DCC: variants seen among roughly 807,000 people sequenced by gnomAD.
The protein encoded by DCC is DCC netrin 1 receptor, also known as netrin receptor DCC.
Under a neutral mutation model 172.5 loss-of-function variants are expected in DCC, and 58 were observed. That is an observed-to-expected ratio of 0.34 (90% CI 0.27 to 0.42). The LOEUF (loss-of-function observed/expected upper bound fraction) is 0.42, where lower values mean the gene tolerates loss of function less well. DCC is among the 10% of genes least tolerant of loss of function. The pLI is 1.00. For missense variants in DCC, 1,740 were observed against 1,791.0 expected (o/e 0.97, Z 0.51); for synonymous variants, 709 against 644.5 (o/e 1.10, Z -1.52).
chr18:53,391,996 A>G, intron 17 of DCC, 109 bp downstream of exon 17: 1 of 712,172 alleles, frequency 1.4e-6, no homozygotes, highest in East Asian at 2.7e-5. Context: ...CTGTGTATCT[A>G]TGTAGAAAAA....
chr18:53,063,680 C>T lies in DCC; in HGVS notation c.1140+221C>T, dbSNP rs533192863. 83 of 500,902 alleles carry T rather than the reference C, an allele frequency of 1.7e-4. 1 individual carries two copies. In the South Asian group the frequency reaches 1.8e-3, roughly 11 times the overall value. The allele number at this position is 500,902 out of a possible 1,614,324, so 31.0% of individuals were successfully genotyped here. A position where few individuals can be genotyped will look rare whatever the true frequency, so the allele number is the denominator to read the frequency against. ...CAGCCCCCTGGTTTTACAGACAAGACTTTAAAACATACAAACAAACAAAAA... is the reference window on the plus strand; with the variant it reads ...CAGCCCCCTGGTTTTACAGACAAGATTTTAAAACATACAAACAAACAAAAA... On this transcript the variant is annotated intron_variant, in intron 6 of 28. Transcript: ENST00000442544.
At chr18:53,004,724 C>A (rs2143855473) in intron 5 of DCC, among the ~76,000 whole-genome samples, 1 of 151,880 alleles carries the variant, frequency 6.6e-6, no homozygotes, top group East Asian at 1.9e-4. Flanking sequence ...TTTTTCTTGC[C>A]TTCCTTCCAT....
intron 2 of DCC, among the ~76,000 whole-genome samples, chr18:52,853,831 G>A (rs1221952331): frequency 2.0e-5 from 3 of 152,192 alleles, no homozygotes; most frequent in African/African-American, 7.2e-5. Flanking sequence ...TGAGCAAGAT[G>A]TCGCAGACAG....
chr18:52,726,438 T>C (rs2036552982), intron 1 of DCC, among the ~76,000 whole-genome samples: 1 of 152,200 alleles, frequency 6.6e-6, no homozygotes, highest in African/African-American at 2.4e-5. Context: ...TGTAGCATCA[T>C]CTCACACTTT....
intron 1 of DCC, among the ~76,000 whole-genome samples, chr18:52,682,463 T>A (rs1039091178): frequency 2.0e-5 from 3 of 151,990 alleles, no homozygotes; most frequent in Admixed American, 1.3e-4. Context: ...TCCAGGAACG[T>A]GAAGAAGAAT....
intron 5 of DCC, among the ~76,000 whole-genome samples, chr18:52,996,030 A>T (rs557383362): frequency 1.3e-5 from 2 of 152,004 alleles, no homozygotes; most frequent in South Asian, 4.1e-4. Context: ...CTTTGACACC[A>T]TTCAGAAGCG....
intron 1 of DCC, among the ~76,000 whole-genome samples, chr18:52,522,113 C>T (rs1327532756): frequency 6.6e-6 from 1 of 152,030 alleles, no homozygotes; most frequent in African/African-American, 2.4e-5. Flanking sequence ...AATCATAAGG[C>T]AATAATAGAT....
chr18:52,760,304 A>T (rs996869744), intron 2 of DCC, among the ~76,000 whole-genome samples: 1 of 152,222 alleles, frequency 6.6e-6, no homozygotes, highest in Non-Finnish European at 1.5e-5. Flanking sequence ...TCATGAGAAC[A>T]GCATTGGGGA....
At chr18:53,095,646 A>G (rs2043075223) in intron 7 of DCC, among the ~76,000 whole-genome samples, 1 of 152,130 alleles carries the variant, frequency 6.6e-6, no homozygotes, top group South Asian at 2.1e-4. Context: ...TCCTGAATCA[A>G]CTCATAAGAC....
intron 2 of DCC, among the ~76,000 whole-genome samples, chr18:52,848,755 T>C (rs2038932737): frequency 6.6e-6 from 1 of 152,206 alleles, no homozygotes; most frequent in African/African-American, 2.4e-5. Flanking sequence ...CATCTTTCTC[T>C]AATGGTTTAA....
intron 1 of DCC, among the ~76,000 whole-genome samples, chr18:52,562,919 C>T (rs954929716): frequency 1.3e-5 from 2 of 151,992 alleles, no homozygotes; most frequent in South Asian, 4.2e-4. Context: ...TGTGAGCCAC[C>T]GCACCTGGCG....
At chr18:52,383,967 T>A (rs1005262948) in intron 1 of DCC, among the ~76,000 whole-genome samples, 3 of 152,136 alleles carry the variant, frequency 2.0e-5, no homozygotes, top group African/African-American at 7.2e-5. Flanking sequence ...GAATTGCTTT[T>A]CTGATCACTT....
chr18:53,296,539 T>C (rs561301233), intron 12 of DCC, among the ~76,000 whole-genome samples: 23 of 152,206 alleles, frequency 1.5e-4, no homozygotes, highest in African/African-American at 5.3e-4. Context: ...GTAACTGAGA[T>C]GGGTGTGAGC....
At chr18:53,235,890 C>A (rs144854596) in intron 12 of DCC, among the ~76,000 whole-genome samples, 21 of 152,170 alleles carry the variant, frequency 1.4e-4, no homozygotes, top group Middle Eastern at 3.4e-3. Flanking sequence ...CCTTTGGTGT[C>A]TGGCTTATTT....
In DCC at chr18:52,971,537, A is replaced by G. The variant is rs577006911; in HGVS notation, c.985+46167A>G. ...CACACACACACACACACGCACGCAC[A>G]CACACAAACATATCTTCCCAGACCT... is the stretch of plus-strand genomic sequence containing the variant. On this transcript the variant is annotated intron_variant, in intron 5 of 28. Coordinates refer to ENST00000442544, the MANE Select transcript of DCC (RefSeq NM_005215.4). 7.6e-4 allele frequency among the ~76,000 whole-genome samples: 115 copies of G among 151,982 alleles called. 1 individual carries two copies. The highest frequency in any genetic ancestry group is 9.8e-4 in the Admixed American group (15 of 15,260).
intron 2 of DCC, among the ~76,000 whole-genome samples, chr18:52,752,725 T>A (rs2145133906): frequency 6.6e-6 from 1 of 152,294 alleles, no homozygotes; most frequent in African/African-American, 2.4e-5. Context: ...CTTGTGCCCT[T>A]TGACAAACAT....
intron 1 of DCC, among the ~76,000 whole-genome samples, chr18:52,387,675 A>G (rs1176953146): frequency 6.8e-6 from 1 of 147,956 alleles, no homozygotes; most frequent in African/African-American, 2.5e-5. Flanking sequence ...ATGAACAAAA[A>G]CTGTCTATAT....
At chr18:52,761,908 C>CAAAAAAAAAAAAAAAA (rs1222086354) in intron 2 of DCC, among the ~76,000 whole-genome samples, 1 of 48,458 alleles carries the variant, frequency 2.1e-5, no homozygotes, top group African/African-American at 6.0e-5. Context: ...GACTCTGTCT[C>CAAAAAAAAAAAAAAAA]AAAAAAAAAA....
At chr18:53,034,783 T>A (rs1167469610) in intron 5 of DCC, among the ~76,000 whole-genome samples, 2 of 151,986 alleles carry the variant, frequency 1.3e-5, no homozygotes, top group African/African-American at 4.8e-5. Context: ...GATCTGGCAT[T>A]GGTGTGCTCA....
Sources: gnomAD v4.1 joint callset for allele counts (sites outside exome capture counted in the v4.1 genomes callset) on GRCh38, gnomAD v4.1.1 for gene constraint, MANE v1.5 for transcripts, NCBI Gene and HGNC (gene_info 2026-07-23, HGNC 2026-07-21) for gene names.